The following KPNA5 variants were observed in gnomAD, a reference collection of about 807,000 sequenced individuals.
KPNA5 encodes the protein karyopherin subunit alpha 5, also known as importin subunit alpha-6.
KPNA5 carries 46 observed loss-of-function variants against 71.3 expected under a neutral mutation model. The ratio of observed to expected loss-of-function variants is 0.65; its 90% CI spans 0.51 to 0.83. The LOEUF (loss-of-function observed/expected upper bound fraction) is 0.83, where lower values mean the gene tolerates loss of function less well. Ranked by LOEUF, KPNA5 falls within the 40% of genes least tolerant of loss-of-function variation. KPNA5 has a pLI of 0.00. For missense variants in KPNA5, 547 were observed against 628.3 expected (o/e 0.87, Z 1.38); for synonymous variants, 207 against 201.4 (o/e 1.03, Z -0.24).
chr6:116,704,415 T>C (rs1239870800), intron 6 of KPNA5, among the ~76,000 whole-genome samples: 2 of 152,180 alleles, frequency 1.3e-5, no homozygotes, highest in Non-Finnish European at 2.9e-5. Flanking sequence ...GATAATGGTG[T>C]TATAATATTA....
At chr6:116,730,587 T>C (rs1779446217) in intron 13 of KPNA5, among the ~76,000 whole-genome samples, 1 of 152,196 alleles carries the variant, frequency 6.6e-6, no homozygotes, top group Non-Finnish European at 1.5e-5. Flanking sequence ...CTTAGGGCAC[T>C]GACTTCTTTT....
At chr6:116,694,418 A>C (rs983130855) in intron 4 of KPNA5, among the ~76,000 whole-genome samples, 1 of 152,096 alleles carries the variant, frequency 6.6e-6, no homozygotes, top group African/African-American at 2.4e-5. Flanking sequence ...TTCATTGAGC[A>C]GTGGTTTGTA....
intron 8 of KPNA5, among the ~76,000 whole-genome samples, chr6:116,717,891 C>G (rs543117221): frequency 1.3e-5 from 2 of 152,188 alleles, no homozygotes; most frequent in Non-Finnish European, 2.9e-5. Flanking sequence ...GTGTGCCCCC[C>G]CCACCGCCAG....
At position 116,729,618 on chromosome 6, in the gene KPNA5, G is replaced by T. The variant is rs1212195833; in HGVS notation, c.1309G>T (p.Asp437Tyr). ...KPLCDLLTVMDSKIVQVALNG... is the reference protein window; with the variant it reads ...KPLCDLLTVMYSKIVQVALNG... ...ACTTTGTGATCTTTTGACTGTTATG[G>T]ACTCCAAAATAGTCCAAGTGGCTTT... Residue 437 changes from aspartate (D) to tyrosine (Y), a missense_variant, in exon 13 of 14, where the codon GAC (aspartate) becomes TAC (tyrosine). Asp to Tyr is a radical substitution (Grantham distance 160, BLOSUM62 -3). Transcript: ENST00000368564. The T allele has an allele frequency of 1.2e-6, 2 of 1,606,108 alleles. No homozygotes were observed. The highest frequency in any genetic ancestry group is 1.1e-5 in the South Asian group (1 of 89,848).
chr6:116,682,167 A>G (rs1777386752), intron 1 of KPNA5, among the ~76,000 whole-genome samples: 1 of 151,966 alleles, frequency 6.6e-6, no homozygotes, highest in South Asian at 2.1e-4. Flanking sequence ...CAAAAATACA[A>G]AAAAAGGAAA....
chr6:116,699,134 G>C (rs575642352), intron 5 of KPNA5, among the ~76,000 whole-genome samples: 1 of 151,372 alleles, frequency 6.6e-6, no homozygotes, highest in Non-Finnish European at 1.5e-5. Context: ...AGCTAGCCAG[G>C]GTTCTAACTT....
At position 116,726,011 on chromosome 6, in the gene KPNA5, C is replaced by T. The variant is rs901652289; in HGVS notation, c.1125+135C>T. On this transcript the variant is annotated intron_variant, in intron 11 of 13. Coordinates refer to ENST00000368564, the MANE Select transcript of KPNA5 (RefSeq NM_001366306.2). ...AGTATTTTAAAGAACATGGGCTTTC[C>T]TCCTCTAAAATAATAACATTTACTT... is the stretch of plus-strand genomic sequence containing the variant. The T allele has an allele frequency of 6.5e-6, 6 of 926,690 alleles. No homozygotes were observed. In the Admixed American group the frequency reaches 8.7e-5, roughly 13 times the overall value. 57.4% of individuals were successfully genotyped at this position (926,690 alleles called of 1,614,324 possible). A position where few individuals can be genotyped will look rare whatever the true frequency, so the allele number is the denominator to read the frequency against.
rs1779595874 is a variant in KPNA5 at position 116,734,342 on chromosome 6, G to A, written c.*2019G>A. On this transcript the variant is annotated 3_prime_UTR_variant, in exon 14 of 14. Coordinates refer to ENST00000368564, the MANE Select transcript of KPNA5 (RefSeq NM_001366306.2). ...TAAGCCAAATTTTTCAAACAAGATA[G>A]TTCTTATAGAAGGAGAAATAATAAA... 1.3e-5 allele frequency: 2 copies of A among 151,754 alleles called. No individual in the cohort carries two copies. The highest frequency in any genetic ancestry group is 3.4e-3 in the Middle Eastern group (1 of 294). The allele number at this position is 151,754 out of a possible 1,614,324, so 9.4% of individuals were successfully genotyped here.
At chr6:116,716,600 A>G (rs1302331394) in intron 8 of KPNA5, among the ~76,000 whole-genome samples, 1 of 152,222 alleles carries the variant, frequency 6.6e-6, no homozygotes, top group Non-Finnish European at 1.5e-5. Context: ...TCTCTCATTT[A>G]TAGGAAAATA....
intron 10 of KPNA5, among the ~76,000 whole-genome samples, chr6:116,724,644 G>T (rs1237318364): frequency 6.6e-6 from 1 of 152,160 alleles, no homozygotes; most frequent in Non-Finnish European, 1.5e-5. Flanking sequence ...AGGCTGGGGT[G>T]CAGTGGTGTG....
intron 4 of KPNA5, among the ~76,000 whole-genome samples, chr6:116,695,017 C>T (rs1160556962): frequency 6.6e-6 from 1 of 151,980 alleles, no homozygotes; most frequent in Non-Finnish European, 1.5e-5. Flanking sequence ...ATAGCAGAAT[C>T]ACAGCTCACT....
chr6:116,721,167 A>C (rs547248762), intron 8 of KPNA5, among the ~76,000 whole-genome samples: 103 of 152,332 alleles, frequency 6.8e-4, no homozygotes, highest in Non-Finnish European at 1.1e-3. Flanking sequence ...CAGGCCCAGC[A>C]GAGATGGTAA....
At chr6:116,690,610 TCCAGC>T in intron 2 of KPNA5, among the ~76,000 whole-genome samples, 1 of 142,006 alleles carries the variant, frequency 7.0e-6, no homozygotes, top group Middle Eastern at 4.0e-3. Context: ...GCCACTGCAC[TCCAGC>T]CTGGGCGACA....
chr6:116,702,032 G>A lies in KPNA5; in HGVS notation c.449G>A (p.Trp150Ter). ...TTTTCTTCTTAGTTTGAAGCTGCAT[G>A]GGCATTAACAAATATAGCATCTGGA... ...ENCTLQFEAA[W>*]ALTNIASGTF... The change falls in exon 6 of 14, where the codon TGG (tryptophan) becomes TAG (stop). Residue 150 changes from tryptophan (W) to a stop codon, truncating the protein, a stop_gained. Coordinates refer to ENST00000368564, the MANE Select transcript of KPNA5 (RefSeq NM_001366306.2). LOFTEE classifies it high-confidence loss of function. 1 of 1,611,366 alleles carries A rather than the reference G, an allele frequency of 6.2e-7. No individual in the cohort carries two copies. Among genetic ancestry groups the A allele is most frequent in the Admixed American group, 1.7e-5 (1 of 59,644 alleles).
intron 4 of KPNA5, among the ~76,000 whole-genome samples, chr6:116,694,260 C>A (rs1304420663): frequency 6.6e-6 from 1 of 152,036 alleles, no homozygotes; most frequent in Non-Finnish European, 1.5e-5. Context: ...GTAGTTTTTT[C>A]CAATTCTGTG....
At chr6:116,683,797 C>T (rs1169841470) in intron 1 of KPNA5, among the ~76,000 whole-genome samples, 1 of 149,300 alleles carries the variant, frequency 6.7e-6, no homozygotes, top group African/African-American at 2.5e-5. Flanking sequence ...TGGGGTTTCA[C>T]TGTGTTAGCC....
chr6:116,697,365 C>G (rs986496511), intron 4 of KPNA5, among the ~76,000 whole-genome samples: 4 of 151,934 alleles, frequency 2.6e-5, no homozygotes, highest in African/African-American at 9.7e-5. Context: ...TATAACTTTA[C>G]TAACTGCAGA....
At chr6:116,689,552 A>G (rs1777715663) in intron 2 of KPNA5, 99 bp downstream of exon 2, 32 of 1,032,698 alleles carry the variant, frequency 3.1e-5, no homozygotes, top group Non-Finnish European at 4.2e-5. Flanking sequence ...AATTGAATAT[A>G]GCTAAATCTA....
At chr6:116,718,326 G>C (rs1348114210) in intron 8 of KPNA5, among the ~76,000 whole-genome samples, 2 of 147,926 alleles carry the variant, frequency 1.4e-5, no homozygotes, top group Non-Finnish European at 3.0e-5. Flanking sequence ...GCAGTGGCAC[G>C]ATCTCAGCTC....
Sources: allele counts gnomAD v4.1 joint callset (sites outside exome capture counted in the v4.1 genomes callset), GRCh38; gene constraint gnomAD v4.1.1; transcripts MANE v1.5; gene names NCBI Gene and HGNC (gene_info 2026-07-23, HGNC 2026-07-21).